Variants in GRM7 observed in about 807,000 individuals in gnomAD.
GRM7 encodes glutamate metabotropic receptor 7, also known as metabotropic glutamate receptor 7.
Under a neutral mutation model 84.5 loss-of-function variants are expected in GRM7, and 35 were observed. The ratio of observed to expected loss-of-function variants is 0.41; its 90% CI spans 0.32 to 0.55. The LOEUF (loss-of-function observed/expected upper bound fraction) is 0.55, where lower values mean the gene tolerates loss of function less well. Ranked by LOEUF, GRM7 falls within the 20% of genes least tolerant of loss-of-function variation. GRM7 has a pLI of 0.19. For synonymous variants in GRM7, 487 were observed against 455.1 expected (o/e 1.07, Z -0.89); for missense variants, 1,003 against 1,194.6 (o/e 0.84, Z 2.36).
chr3:7,648,160 G>T (rs1327082166), intron 8 of GRM7, among the ~76,000 whole-genome samples: 1 of 151,476 alleles, frequency 6.6e-6, no homozygotes, highest in Non-Finnish European at 1.5e-5. Context: ...AGTTTTGGGG[G>T]CTCCCAAAAA....
chr3:7,284,243 T>G (rs557871892), intron 2 of GRM7, among the ~76,000 whole-genome samples: 1 of 152,018 alleles, frequency 6.6e-6, no homozygotes, highest in East Asian at 1.9e-4. Context: ...CCAGAGTGTT[T>G]GGCTTCAGGA....
At chr3:6,866,280 A>T (rs1007616673) in intron 1 of GRM7, among the ~76,000 whole-genome samples, 1 of 151,734 alleles carries the variant, frequency 6.6e-6, no homozygotes, top group Admixed American at 6.6e-5. Flanking sequence ...CCTGCCATTA[A>T]CTGGCTAAGT....
chr3:7,489,992 C>T (rs1391818826), intron 7 of GRM7, among the ~76,000 whole-genome samples: 1 of 151,518 alleles, frequency 6.6e-6, no homozygotes, highest in African/African-American at 2.4e-5. Context: ...AAATTATATA[C>T]CCTATAAAAT....
At chr3:7,156,106 AGT>A (rs1320007572) in intron 2 of GRM7, among the ~76,000 whole-genome samples, 1 of 152,134 alleles carries the variant, frequency 6.6e-6, no homozygotes, top group Non-Finnish European at 1.5e-5. Flanking sequence ...TTGAGGAACT[AGT>A]GTGTAGGTTG....
chr3:6,893,168 G>C (rs1402399398), intron 1 of GRM7: 2 of 152,132 alleles, frequency 1.3e-5, no homozygotes, highest in African/African-American at 4.8e-5. Context: ...AGTTATTCTA[G>C]CTCACAACTG....
At chr3:6,939,174 A>G (rs1015641589) in intron 1 of GRM7, among the ~76,000 whole-genome samples, 2 of 152,206 alleles carry the variant, frequency 1.3e-5, no homozygotes, top group Non-Finnish European at 2.9e-5. Flanking sequence ...TCAGTTAAGA[A>G]AAGTTACTTG....
intron 9 of GRM7, among the ~76,000 whole-genome samples, chr3:7,732,698 G>C (rs754003237): frequency 6.6e-6 from 1 of 152,174 alleles, no homozygotes; most frequent in Non-Finnish European, 1.5e-5. Context: ...TAGACATTCT[G>C]ACTTGTTCAT....
At chr3:7,116,325 T>A (rs1449557619) in intron 1 of GRM7, among the ~76,000 whole-genome samples, 1 of 152,134 alleles carries the variant, frequency 6.6e-6, no homozygotes, top group East Asian at 1.9e-4. Context: ...TGGATCCAAG[T>A]TCATTATTTC....
chr3:7,245,507 C>T (rs1697725081), intron 2 of GRM7, among the ~76,000 whole-genome samples: 1 of 151,686 alleles, frequency 6.6e-6, no homozygotes. Context: ...CTTAAAATGG[C>T]AAATTATGGA....
intron 9 of GRM7, among the ~76,000 whole-genome samples, 191 bp from the exon 10 acceptor site, chr3:7,740,166 A>G (rs1444360786): frequency 3.3e-5 from 5 of 152,202 alleles, no homozygotes; most frequent in African/African-American, 1.2e-4. Flanking sequence ...TTGATTTGAG[A>G]ATCACTGGGA....
intron 1 of GRM7, among the ~76,000 whole-genome samples, chr3:6,936,889 T>C (rs1283092173): frequency 6.6e-6 from 1 of 152,228 alleles, no homozygotes; most frequent in Non-Finnish European, 1.5e-5. Flanking sequence ...GCTCAGGTGT[T>C]CACCCTTGGA....
intron 9 of GRM7, among the ~76,000 whole-genome samples, chr3:7,700,042 A>T (rs186779794): frequency 2.0e-5 from 3 of 152,318 alleles, no homozygotes; most frequent in Admixed American, 6.5e-5. Context: ...ATGTGATCTG[A>T]TACATAGCTG....
intron 4 of GRM7, among the ~76,000 whole-genome samples, chr3:7,356,451 G>A (rs1693406980): frequency 6.6e-6 from 1 of 151,866 alleles, no homozygotes; most frequent in Non-Finnish European, 1.5e-5. Flanking sequence ...ACAGGCATGT[G>A]CCACCACGCC....
chr3:7,680,361 G>A (rs2125140928), intron 9 of GRM7, 66 bp downstream of exon 9: 1 of 1,533,054 alleles, frequency 6.5e-7, no homozygotes, highest in Non-Finnish European at 9.0e-7. Flanking sequence ...GATGTGGGGT[G>A]TGCTTGCCTC....
intron 4 of GRM7, among the ~76,000 whole-genome samples, chr3:7,397,757 A>C (rs1157966661): frequency 1.3e-5 from 2 of 152,258 alleles, no homozygotes; most frequent in African/African-American, 4.8e-5. Flanking sequence ...TTTTCCTCTA[A>C]GTAGACACTT....
chr3:7,484,465 A>G (rs897137368), intron 7 of GRM7, among the ~76,000 whole-genome samples: 1 of 152,220 alleles, frequency 6.6e-6, no homozygotes, highest in Non-Finnish European at 1.5e-5. Flanking sequence ...CAATACCCAT[A>G]AAGTGTGAGA....
chr3:6,979,311 G>A (rs1319125888), intron 1 of GRM7, among the ~76,000 whole-genome samples: 1 of 152,154 alleles, frequency 6.6e-6, no homozygotes, highest in African/African-American at 2.4e-5. Flanking sequence ...GAAGAAGAAT[G>A]GCCTGGACTA....
chr3:7,176,648 G>GAATTT (rs1695161080), intron 2 of GRM7, among the ~76,000 whole-genome samples: 1 of 152,056 alleles, frequency 6.6e-6, no homozygotes, highest in South Asian at 2.1e-4. Context: ...ACCCTTCCAG[G>GAATTT]CACCCATACT....
intron 7 of GRM7, chr3:7,535,285 GA>G (rs553117076): frequency 2.8e-5 from 4 of 141,520 alleles, no homozygotes; most frequent in South Asian, 2.2e-4. Flanking sequence ...ATGGATACCT[GA>G]AAAAAAAAAG....
Sources: allele counts gnomAD v4.1 joint callset (sites outside exome capture counted in the v4.1 genomes callset), GRCh38; gene constraint gnomAD v4.1.1; transcripts MANE v1.5; gene names NCBI Gene and HGNC (gene_info 2026-07-23, HGNC 2026-07-21).